TMPRSS3: variants seen among roughly 807,000 people sequenced by gnomAD.
TMPRSS3 encodes the protein transmembrane serine protease 3, also known as transmembrane protease serine 3.
TMPRSS3 carries 55 observed loss-of-function variants against 59.6 expected under a neutral mutation model. That is an observed-to-expected ratio of 0.92 (90% CI 0.74 to 1.16). The LOEUF (loss-of-function observed/expected upper bound fraction) is 1.16, where lower values mean the gene tolerates loss of function less well. Ranked by LOEUF, TMPRSS3 falls within the 50% of genes most tolerant of loss-of-function variation. The probability of loss-of-function intolerance (pLI) is 0.00; values close to 1 mark genes in which losing one functional copy is unlikely to be tolerated. For missense variants in TMPRSS3, 596 were observed against 579.4 expected (o/e 1.03, Z -0.29); for synonymous variants, 257 against 237.7 (o/e 1.08, Z -0.75).
At position 42,389,013 on chromosome 21, in the gene TMPRSS3, G is replaced by T. The variant is rs143733205; in HGVS notation, c.238C>A (p.Arg80Ser). ...HFDCSGKYRC[R>S]SSFKCIELIA... is the part of the protein sequence containing the mutation. ...AGCTCGATACACTTAAAGGATGAGC[G>T]ACATCTGTACTTCCCTGAGCAGTCG... The change falls in exon 4 of 13, where the codon CGC (arginine) becomes AGC (serine). Residue 80 changes from arginine to serine, a missense_variant. Arg to Ser is a moderately radical substitution (Grantham distance 110, BLOSUM62 -1). Coordinates refer to ENST00000644384, the MANE Select transcript of TMPRSS3 (RefSeq NM_001256317.3). 36 of 1,614,074 alleles carry T rather than the reference G, an allele frequency of 2.2e-5. No homozygotes were observed. The highest frequency in any genetic ancestry group is 3.1e-5 in the Non-Finnish European group (36 of 1,180,042).
intron 2 of TMPRSS3, among the ~76,000 whole-genome samples, chr21:42,391,629 G>A (rs929136450): frequency 4.6e-5 from 7 of 152,238 alleles, no homozygotes; most frequent in Middle Eastern, 3.2e-3. Context: ...CTGCCTGCAC[G>A]TGCGGCATAC....
intron 7 of TMPRSS3, 39 bp downstream of exon 7, chr21:42,383,931 C>G: frequency 6.2e-7 from 1 of 1,611,236 alleles, no homozygotes; most frequent in Non-Finnish European, 8.5e-7. Context: ...TTAGCATGTG[C>G]TTGCTCCCCC....
intron 8 of TMPRSS3, 100 bp from the exon 9 acceptor site, chr21:42,382,334 T>A: frequency 9.2e-7 from 1 of 1,085,920 alleles, no homozygotes; most frequent in Non-Finnish European, 1.4e-6. Flanking sequence ...GTGGGAGAGG[T>A]TATCAGGCAA....
chr21:42,382,206 G>T lies in TMPRSS3; in HGVS notation c.811C>A (p.Gln271Lys), dbSNP rs373744270. The change falls in exon 9 of 13, where the codon CAG becomes AAG. Residue 271 changes from glutamine (Q) to lysine (K), a missense_variant. Gln to Lys is a moderately conservative substitution (Grantham distance 53, BLOSUM62 1). Transcript: ENST00000644384. ...TCCAACAGGGAAACTAGACCCACCT[G>T]GATGGTCCATGACTTGGGGAGGTAC... ...DLYLPKSWTI[Q>K]VGLVSLLDNP... 6.2e-7 allele frequency: 1 copy of T among 1,614,172 alleles called. No individual in the cohort carries two copies. Among genetic ancestry groups the T allele is most frequent in the Non-Finnish European group, 8.5e-7 (1 of 1,180,026 alleles).
chr21:42,385,756 C>A (rs1460029250), intron 5 of TMPRSS3, among the ~76,000 whole-genome samples: 1 of 152,206 alleles, frequency 6.6e-6, no homozygotes, highest in East Asian at 1.9e-4. Context: ...CCGCTTCTGG[C>A]CTGTACCTGA....
intron 10 of TMPRSS3, among the ~76,000 whole-genome samples, chr21:42,378,787 G>A (rs974345671): frequency 5.9e-5 from 9 of 152,178 alleles, no homozygotes; most frequent in African/African-American, 2.2e-4. Flanking sequence ...GCATGATCAC[G>A]GCTCACTGCA....
At chr21:42,374,104 C>G (rs2052380416) in intron 12 of TMPRSS3, among the ~76,000 whole-genome samples, 1 of 152,226 alleles carries the variant, frequency 6.6e-6, no homozygotes, top group African/African-American at 2.4e-5. Context: ...CAGGCTCCCA[C>G]AGCACCCTGA....
intron 10 of TMPRSS3, 113 bp downstream of exon 10, chr21:42,380,004 G>A (rs758656696): frequency 1.2e-5 from 10 of 865,786 alleles, no homozygotes; most frequent in South Asian, 4.2e-5. Flanking sequence ...CTCCCTGGCC[G>A]GGGTATCTGG....
chr21:42,389,115 CT>C (rs2052690312), intron 3 of TMPRSS3, 70 bp from the exon 4 acceptor site: 5 of 1,605,092 alleles, frequency 3.1e-6, no homozygotes, highest in Non-Finnish European at 4.2e-6. Flanking sequence ...AACTGTCCCC[CT>C]GCCACACAGT....
intron 10 of TMPRSS3, among the ~76,000 whole-genome samples, chr21:42,377,874 G>A (rs7279951): frequency 0.069 from 10,501 of 152,310 alleles, 707 homozygotes; most frequent in African/African-American, 0.17. Flanking sequence ...GGGGCTCGTC[G>A]GACCTTTTGC....
chr21:42,380,167 G>C lies in TMPRSS3; in HGVS notation c.998C>G (p.Pro333Arg), dbSNP rs144682332. The C allele has an allele frequency of 5.0e-6, 8 of 1,614,026 alleles. No homozygotes were observed. In the East Asian group the frequency reaches 1.6e-4, roughly 31 times the overall value. Residue 333 changes from proline (P) to arginine (R), a missense_variant, in exon 10 of 13, where the codon CCC becomes CGC. Coordinates refer to ENST00000644384, the MANE Select transcript of TMPRSS3 (RefSeq NM_001256317.3). ...VCLPNSEENFPDGKVCWTSGW... is the reference protein window; with the variant it reads ...VCLPNSEENFRDGKVCWTSGW... ...TGACGTCCAGCACACTTTTCCATCGGGGAAGTTCTCTTCAGAGTTGGGCAG... is the reference window on the plus strand; with the variant it reads ...TGACGTCCAGCACACTTTTCCATCGCGGAAGTTCTCTTCAGAGTTGGGCAG...
intron 11 of TMPRSS3, among the ~76,000 whole-genome samples, chr21:42,376,241 A>G (rs1049424454): frequency 2.0e-5 from 3 of 152,116 alleles, no homozygotes; most frequent in Non-Finnish European, 2.9e-5. Flanking sequence ...TCGGAGGGCC[A>G]GATTCACTGG....
At chr21:42,381,938 G>T in intron 9 of TMPRSS3, 127 bp downstream of exon 9, 1 of 1,209,970 alleles carries the variant, frequency 8.3e-7, no homozygotes, top group East Asian at 2.3e-5. Context: ...ACATGAATCA[G>T]GAGTTGGAAT....
chr21:42,388,980 G>A lies in TMPRSS3; in HGVS notation c.271C>T (p.Arg91Ter), dbSNP rs199903164. The change falls in exon 4 of 13, where the codon CGA (arginine) becomes TGA (stop). Residue 91 changes from arginine to a stop codon, truncating the protein, a stop_gained. Transcript: ENST00000644384. LOFTEE classifies it high-confidence loss of function. The surrounding 1 kb of genome is among the most constrained non-coding windows in gnomAD (Gnocchi z 5.1). ...SSFKCIELIA[R>*]CDGVSDCKDG... ...TTGCAATCCGAGACTCCGTCACATC[G>A]AGCTATCAGCTCGATACACTTAAAG... 15 of 1,614,166 alleles carry A rather than the reference G, an allele frequency of 9.3e-6. No homozygotes were observed. Among genetic ancestry groups the A allele is most frequent in the Non-Finnish European group, 1.1e-5 (13 of 1,180,034 alleles).
intron 7 of TMPRSS3, 63 bp from the exon 8 acceptor site, chr21:42,383,261 AC>A: frequency 1.3e-6 from 2 of 1,522,540 alleles, no homozygotes; most frequent in Non-Finnish European, 1.8e-6. Context: ...ACATGGTGTC[AC>A]CACCATGCAC....
Position 42,375,757 on chromosome 21 carries a change from G to A in TMPRSS3, c.1303C>T (p.Arg435Cys), listed in dbSNP as rs565348874. 73 of 1,613,730 alleles carry A rather than the reference G, an allele frequency of 4.5e-5. No individual in the cohort carries two copies. Among genetic ancestry groups the A allele is most frequent in the Admixed American group, 2.0e-4 (12 of 60,018 alleles). ...AEVNKPGVYT[R>C]VTSFLDWIHE... ...ATCCAGTCCAGGAAGGAGGTGACAC[G>A]GGTGTACACCCCAGGCTTGTTCACC... The change falls in exon 12 of 13, where the codon CGT becomes TGT. Residue 435 changes from arginine to cysteine, a missense_variant. By Grantham distance (180) the Arg-to-Cys change is radical (BLOSUM62 -3). Transcript: ENST00000644384.
At chr21:42,394,151 A>G (rs984031415) in intron 2 of TMPRSS3, among the ~76,000 whole-genome samples, 2 of 152,252 alleles carry the variant, frequency 1.3e-5, no homozygotes, top group Admixed American at 1.3e-4. Flanking sequence ...ATTTACAAGG[A>G]AAAGTTTTTG....
intron 9 of TMPRSS3, among the ~76,000 whole-genome samples, chr21:42,381,112 A>G (rs2052521680): frequency 6.6e-6 from 1 of 152,020 alleles, no homozygotes; most frequent in African/African-American, 2.4e-5. Flanking sequence ...ATAAGAGGGA[A>G]TTAACCTATT....
In TMPRSS3 at chr21:42,372,497, C is replaced by T. The variant is rs1466772423; in HGVS notation, c.*265G>A. 3 of 626,276 alleles carry T rather than the reference C, an allele frequency of 4.8e-6. No individual in the cohort carries two copies. Among genetic ancestry groups the T allele is most frequent in the South Asian group, 1.5e-5 (1 of 66,014 alleles). The allele number at this position is 626,276 out of a possible 1,614,324, so 38.8% of individuals were successfully genotyped here. Reference sequence around the variant, plus strand: ...ATCGCTTGAACCAGGGAAGCGGAGGCTGCAGTGAGCAGGGATTTCGCCACT... The same window carrying T: ...ATCGCTTGAACCAGGGAAGCGGAGGTTGCAGTGAGCAGGGATTTCGCCACT... On this transcript the variant is annotated 3_prime_UTR_variant, in exon 13 of 13. Transcript: ENST00000644384.
Sources: allele counts gnomAD v4.1 joint callset (sites outside exome capture counted in the v4.1 genomes callset), GRCh38; gene constraint gnomAD v4.1.1; non-coding constraint Gnocchi (gnomAD v3.1); transcripts MANE v1.5; gene names NCBI Gene and HGNC (gene_info 2026-07-23, HGNC 2026-07-21).